Variants in SHB observed in about 807,000 individuals in gnomAD.
SHB encodes the protein SH2 domain-containing adapter protein B.
Under a neutral mutation model 52.3 loss-of-function variants are expected in SHB, and 20 were observed. That is an observed-to-expected ratio of 0.38 (90% CI 0.27 to 0.56). The LOEUF is 0.56. Among genes scored for constraint, SHB ranks in the 20% least tolerant of loss-of-function variants. SHB has a pLI of 0.71. For missense variants in SHB, 825 were observed against 723.3 expected (o/e 1.14, Z -1.61); for synonymous variants, 397 against 316.5 (o/e 1.25, Z -2.70).
chr9:38,063,829 T>C (rs1419350029), intron 1 of SHB, among the ~76,000 whole-genome samples: 3 of 150,284 alleles, frequency 2.0e-5, no homozygotes, highest in Non-Finnish European at 4.4e-5. Context: ...TTAGACATGA[T>C]ATTATTTATT....
At chr9:37,992,362 T>C (rs547162394) in intron 2 of SHB, among the ~76,000 whole-genome samples, 1 of 152,144 alleles carries the variant, frequency 6.6e-6, no homozygotes, top group Admixed American at 6.5e-5. Flanking sequence ...GATCGCGCCA[T>C]TGCATTCCAC....
chr9:38,008,381 GAATAGGAAAGTCATCAGGTGACT>G (rs1333011959), intron 2 of SHB, among the ~76,000 whole-genome samples: 1 of 152,214 alleles, frequency 6.6e-6, no homozygotes, highest in Admixed American at 6.5e-5. Context: ...TGTTTCTTAA[GAATAGGAAAGTCATCAGGTGACT>G]AATATGAAAT....
At chr9:38,005,545 G>T (rs990645578) in intron 2 of SHB, among the ~76,000 whole-genome samples, 6 of 152,156 alleles carry the variant, frequency 3.9e-5, no homozygotes, top group African/African-American at 1.4e-4. Flanking sequence ...GTAGGGAGAA[G>T]GGGCCAGAAG....
intron 1 of SHB, among the ~76,000 whole-genome samples, chr9:38,031,819 T>G (rs1821419557): frequency 6.6e-6 from 1 of 152,166 alleles, no homozygotes; most frequent in Admixed American, 6.5e-5. Flanking sequence ...CTGGAAACAT[T>G]CTATCCTGAA....
intron 4 of SHB, among the ~76,000 whole-genome samples, chr9:37,952,570 T>C (rs963556517): frequency 1.3e-5 from 2 of 151,914 alleles, no homozygotes; most frequent in Non-Finnish European, 2.9e-5. Flanking sequence ...CAGGTTGGCG[T>C]GAGGAGGGGC....
chr9:37,937,605 A>G lies in SHB; in HGVS notation c.1346+11030T>C, dbSNP rs1832386498. On this transcript the variant is annotated intron_variant, in intron 5 of 5. Transcript: ENST00000377707. ...CGCGGATGGAACAGCCTCTGCTCCA[A>G]CAGAGGGCAAGGGCGCCTGCGTGCG... Among the ~76,000 whole-genome samples, 3 of 152,244 alleles carry G rather than the reference A, an allele frequency of 2.0e-5. No individual in the cohort carries two copies. The South Asian group carries it at 6.2e-4, about 31-fold the overall frequency.
chr9:37,924,023 C>T (rs1232360831), intron 5 of SHB, among the ~76,000 whole-genome samples: 2 of 152,234 alleles, frequency 1.3e-5, no homozygotes, highest in Non-Finnish European at 2.9e-5. Context: ...CCCCGGGGAG[C>T]TTCAACAGGC....
chr9:37,962,014 G>A (rs1029450576), intron 3 of SHB, among the ~76,000 whole-genome samples: 3 of 152,226 alleles, frequency 2.0e-5, no homozygotes, highest in Non-Finnish European at 2.9e-5. Flanking sequence ...CAGTTTAGGA[G>A]TCAGGAGGAC....
chr9:37,926,053 T>G (rs1214229726), intron 5 of SHB, among the ~76,000 whole-genome samples: 1 of 151,980 alleles, frequency 6.6e-6, no homozygotes, highest in Non-Finnish European at 1.5e-5. Context: ...ACAGGGAAGT[T>G]TGTGCGGAAT....
chr9:37,948,847 T>TC, intron 4 of SHB, 93 bp from the exon 5 acceptor site: 1 of 1,524,664 alleles, frequency 6.6e-7, no homozygotes, highest in Non-Finnish European at 8.9e-7. Flanking sequence ...GCAGAGAGCC[T>TC]CCCTGTACAA....
At chr9:37,992,273 C>T (rs780948552) in intron 2 of SHB, among the ~76,000 whole-genome samples, 18 of 151,866 alleles carry the variant, frequency 1.2e-4, no homozygotes, top group Non-Finnish European at 1.8e-4. Context: ...TGGTGGTGGT[C>T]GCCTGTAGTC....
chr9:38,020,551 C>T (rs541401142), intron 1 of SHB, among the ~76,000 whole-genome samples: 8 of 152,220 alleles, frequency 5.3e-5, no homozygotes, highest in African/African-American at 1.9e-4. Flanking sequence ...CCCTGGTGGT[C>T]AACTGGAGAA....
chr9:38,055,719 T>C (rs1341653576), intron 1 of SHB, among the ~76,000 whole-genome samples: 1 of 152,104 alleles, frequency 6.6e-6, no homozygotes, highest in Non-Finnish European at 1.5e-5. Context: ...GATTGTTCCA[T>C]AGGACTCAGC....
intron 1 of SHB, among the ~76,000 whole-genome samples, chr9:38,059,209 C>T (rs890396694): frequency 5.3e-5 from 8 of 152,200 alleles, no homozygotes; most frequent in African/African-American, 1.4e-4. Flanking sequence ...AGTCAAGGCC[C>T]GGCAGTGGGC....
chr9:38,006,857 C>T (rs1564100164), intron 2 of SHB, among the ~76,000 whole-genome samples: 1 of 152,228 alleles, frequency 6.6e-6, no homozygotes, highest in South Asian at 2.1e-4. Flanking sequence ...AGCTGTCCCC[C>T]TTATCCCCAG....
In SHB at chr9:38,068,481, G is replaced by A. The variant is rs865903324; in HGVS notation, c.165C>T (p.Cys55=). The A allele has an allele frequency of 6.6e-7, 1 of 1,504,960 alleles. No individual in the cohort carries two copies. The highest frequency in any genetic ancestry group is 1.2e-5 in the South Asian group (1 of 80,866). The allele number at this position is 1,504,960 out of a possible 1,614,324, so 93.2% of individuals were successfully genotyped here. A position where few individuals can be genotyped will look rare whatever the true frequency, so the allele number is the denominator to read the frequency against. ...PQASSAASAS[C]GPATASCFSA... is the part of the protein sequence containing the mutation. ...AGAAGCAGGAGGCGGTGGCCGGACCGCAGGACGCCGAGGCGGCGGAGGAGG... is the reference window on the plus strand; with the variant it reads ...AGAAGCAGGAGGCGGTGGCCGGACCACAGGACGCCGAGGCGGCGGAGGAGG... The change falls in exon 1 of 6, where the codon TGC becomes TGT. Residue 55 remains cysteine (C), a synonymous_variant. Transcript: ENST00000377707.
chr9:37,958,502 C>T (rs955731169), intron 3 of SHB, among the ~76,000 whole-genome samples: 5 of 152,204 alleles, frequency 3.3e-5, no homozygotes, highest in Non-Finnish European at 7.3e-5. Flanking sequence ...CCCACAGCTC[C>T]GTGATGCCAG....
intron 2 of SHB, among the ~76,000 whole-genome samples, chr9:38,009,104 G>C (rs1169937761): frequency 6.6e-6 from 1 of 152,246 alleles, no homozygotes; most frequent in Admixed American, 6.5e-5. Flanking sequence ...TGACACCCAA[G>C]CAAGACTCAC....
rs574822401 is a variant in SHB at position 37,986,798 on chromosome 9, C to A, written c.839-11961G>T. On this transcript the variant is annotated intron_variant, in intron 2 of 5. Transcript: ENST00000377707. ...GGCGGGCATCCCCGGGGCCCCTGTG[C>A]TGCAGAGAGCCAGGGCCCAGCAGGG... Among the ~76,000 whole-genome samples the A allele has an allele frequency of 2.6e-5, 4 of 152,338 alleles. No homozygotes were observed. The South Asian group carries it at 8.3e-4, about 32-fold the overall frequency.
Sources: allele counts gnomAD v4.1 joint callset (sites outside exome capture counted in the v4.1 genomes callset), GRCh38; gene constraint gnomAD v4.1.1; transcripts MANE v1.5; gene names NCBI Gene and HGNC (gene_info 2026-07-23, HGNC 2026-07-21).